Variants in PREX1 observed in about 807,000 individuals in gnomAD.
The protein encoded by PREX1 is phosphatidylinositol-3,4,5-trisphosphate dependent Rac exchange factor 1, also known as phosphatidylinositol 3,4,5-trisphosphate-dependent Rac exchanger 1 protein.
In PREX1, 41 loss-of-function variants were observed where a neutral mutation model predicts 198.3. That is an observed-to-expected ratio of 0.21 (90% confidence interval 0.16 to 0.27). PREX1 has a LOEUF of 0.27. PREX1 is among the 10% of genes least tolerant of loss of function. The pLI, the probability that PREX1 is intolerant of heterozygous loss-of-function variation, is 1.00. For synonymous variants in PREX1, 843 were observed against 887.2 expected (o/e 0.95, Z 0.89); for missense variants, 1,620 against 2,200.7 (o/e 0.74, Z 5.28).
chr20:48,697,479 C>G (rs1335276087), intron 7 of PREX1, among the ~76,000 whole-genome samples: 1 of 151,662 alleles, frequency 6.6e-6, no homozygotes, highest in Non-Finnish European at 1.5e-5. Flanking sequence ...CTCCTGGGTT[C>G]AAGTGATTCT....
intron 6 of PREX1, among the ~76,000 whole-genome samples, chr20:48,702,881 A>T (rs1334643383): frequency 6.6e-6 from 1 of 152,240 alleles, no homozygotes; most frequent in African/African-American, 2.4e-5. Context: ...GGCCCAAGGA[A>T]TATTATGCAA....
chr20:48,770,298 G>A (rs1243016598), intron 1 of PREX1, among the ~76,000 whole-genome samples: 1 of 152,170 alleles, frequency 6.6e-6, no homozygotes, highest in Admixed American at 6.5e-5. Flanking sequence ...TTTTTCCAAA[G>A]CTCCCAGATA....
intron 31 of PREX1, 115 bp downstream of exon 31, chr20:48,637,596 G>A: frequency 2.8e-6 from 3 of 1,078,790 alleles, no homozygotes; most frequent in South Asian, 3.7e-5. Context: ...CTCTTGGAGG[G>A]GCTCCAGGCC....
At chr20:48,731,755 G>A (rs571901036) in intron 4 of PREX1, among the ~76,000 whole-genome samples, 1 of 152,328 alleles carries the variant, frequency 6.6e-6, no homozygotes, top group East Asian at 1.9e-4. Flanking sequence ...TGGCACATGT[G>A]CTGGCACCCC....
At chr20:48,793,545 A>G (rs1383512430) in intron 1 of PREX1, among the ~76,000 whole-genome samples, 2 of 152,244 alleles carry the variant, frequency 1.3e-5, no homozygotes, top group East Asian at 1.9e-4. Flanking sequence ...ATGTTCCTCT[A>G]TATCCACATC....
At chr20:48,652,259 C>T (rs935270097) in intron 21 of PREX1, among the ~76,000 whole-genome samples, 2 of 147,764 alleles carry the variant, frequency 1.4e-5, no homozygotes, top group Non-Finnish European at 3.0e-5. Flanking sequence ...ATAGGGAGAC[C>T]TCATCTCTAA....
At chr20:48,669,942 TAAAGATGCCC>T (rs982365240) in intron 14 of PREX1, among the ~76,000 whole-genome samples, 13 of 152,042 alleles carry the variant, frequency 8.6e-5, no homozygotes, top group Admixed American at 6.5e-4. Flanking sequence ...CGAGACCCCA[TAAAGATGCCC>T]AAGGATGCCT....
At chr20:48,884,137 TAAA>T in the PREX1 span, among the ~76,000 whole-genome samples, 2 of 118,918 alleles carry the variant, frequency 1.7e-5, no homozygotes, top group Non-Finnish European at 3.4e-5. Flanking sequence ...AAACTCCGTC[TAAA>T]AAAAAAAAAA....
At chr20:48,842,950 G>C in the PREX1 span, among the ~76,000 whole-genome samples, 1 of 152,022 alleles carries the variant, frequency 6.6e-6, no homozygotes. Flanking sequence ...TTGCTGTATG[G>C]TCGGGGCTAG....
chr20:48,745,190 A>G (rs770929838), intron 2 of PREX1, 43 bp from the exon 3 acceptor site: 1 of 1,573,314 alleles, frequency 6.4e-7, no homozygotes, highest in South Asian at 1.1e-5. Context: ...TAAGGCTCAG[A>G]GGGAGAGCAA....
chr20:48,778,383 G>A (rs1386590909), intron 1 of PREX1, among the ~76,000 whole-genome samples: 1 of 150,860 alleles, frequency 6.6e-6, no homozygotes, highest in Non-Finnish European at 1.5e-5. Flanking sequence ...AGATCAGCCT[G>A]GCCAAAAGGA....
At position 48,624,946 on chromosome 20, in the gene PREX1, G is replaced by C. The variant is rs1457928948; in HGVS notation, c.*939C>G. ...GGCCAACCGCTGGAGAATGGAGGGT[G>C]GGGGAAGGAATCACAGTCGATACCT... On this transcript the variant is annotated 3_prime_UTR_variant, in exon 40 of 40. Transcript: ENST00000371941. The C allele has an allele frequency of 6.6e-6, 1 of 152,406 alleles. No individual in the cohort carries two copies. The highest frequency in any genetic ancestry group is 2.4e-5 in the African/African-American group (1 of 41,424). The allele number at this position is 152,406 out of a possible 1,614,324, so 9.4% of individuals were successfully genotyped here.
intron 5 of PREX1, among the ~76,000 whole-genome samples, chr20:48,718,058 C>T (rs1056207329): frequency 6.6e-6 from 1 of 152,190 alleles, no homozygotes; most frequent in Non-Finnish European, 1.5e-5. Context: ...CTCTAGTCTG[C>T]CACAGTTCCC....
At chr20:48,825,833 G>A (rs967608228) in intron 1 of PREX1, among the ~76,000 whole-genome samples, 3 of 151,560 alleles carry the variant, frequency 2.0e-5, no homozygotes, top group African/African-American at 7.3e-5. Flanking sequence ...AAAACTGCCA[G>A]CTTCTAACAG....
intron 1 of PREX1, among the ~76,000 whole-genome samples, chr20:48,814,946 G>A (rs766434717): frequency 4.0e-5 from 6 of 151,886 alleles, no homozygotes; most frequent in Non-Finnish European, 7.4e-5. Flanking sequence ...AGGCAGAAAC[G>A]AAAAAAATGG....
chr20:48,682,320 A>T (rs1252075268), intron 10 of PREX1, among the ~76,000 whole-genome samples: 1 of 152,074 alleles, frequency 6.6e-6, no homozygotes, highest in Non-Finnish European at 1.5e-5. Context: ...CCTCATTTAA[A>T]ATGGTCCCCG....
intron 37 of PREX1, 33 bp from the exon 38 acceptor site, chr20:48,627,996 G>T: frequency 7.3e-7 from 1 of 1,365,786 alleles, no homozygotes; most frequent in Non-Finnish European, 1.0e-6. Flanking sequence ...GCGGGTTGGC[G>T]GTGGGGGGAC....
intron 1 of PREX1, among the ~76,000 whole-genome samples, chr20:48,766,610 C>G (rs1015502208): frequency 6.6e-6 from 1 of 152,212 alleles, no homozygotes; most frequent in Non-Finnish European, 1.5e-5. Flanking sequence ...TCTCACATTC[C>G]CTGCCCTCCC....
intron 29 of PREX1, among the ~76,000 whole-genome samples, chr20:48,640,828 T>C (rs2089403883): frequency 7.2e-6 from 1 of 139,638 alleles, no homozygotes; most frequent in Non-Finnish European, 1.5e-5. Flanking sequence ...GATGGATGGA[T>C]GGACAGACAA....
Sources: allele counts gnomAD v4.1 joint callset (sites outside exome capture counted in the v4.1 genomes callset), GRCh38; gene constraint gnomAD v4.1.1; transcripts MANE v1.5; gene names NCBI Gene and HGNC (gene_info 2026-07-23, HGNC 2026-07-21).